EXOC2: variants seen among roughly 807,000 people sequenced by gnomAD.
EXOC2 encodes the protein SEC5-like 1.
A neutral mutation model predicts 131.8 loss-of-function variants in EXOC2; 70 were observed. The ratio of observed to expected loss-of-function variants is 0.53; its 90% confidence interval spans 0.44 to 0.65. EXOC2 has a LOEUF of 0.65. Among genes scored for constraint, EXOC2 ranks in the 30% least tolerant of loss-of-function variants. The pLI is 0.00. For synonymous variants in EXOC2, 411 were observed against 398.4 expected (o/e 1.03, Z -0.38); for missense variants, 923 against 1,108.6 (o/e 0.83, Z 2.38).
At position 520,848 on chromosome 6, in the gene EXOC2, G is replaced by A. The variant is rs10458176; in HGVS notation, c.2380+11621C>T. Among the ~76,000 whole-genome samples, 46 of 137,042 alleles carry A rather than the reference G, an allele frequency of 3.4e-4. 2 individuals are homozygous for A. Among genetic ancestry groups the A allele is most frequent in the Non-Finnish European group, 4.3e-4 (28 of 64,720 alleles). The allele number at this position is 137,042 out of a possible 152,430, so 89.9% of individuals were successfully genotyped here. A position where few individuals can be genotyped will look rare whatever the true frequency, so the allele number is the denominator to read the frequency against. On this transcript the variant is annotated intron_variant, in intron 23 of 27. Coordinates refer to ENST00000230449, the MANE Select transcript of EXOC2 (RefSeq NM_018303.6). ...CACCTATTGAGTGCCAACAATCACC[G>A]TCCACACTCGTAGATGAAAACCACC...
chr6:668,277 C>T (rs1027588795), intron 1 of EXOC2, among the ~76,000 whole-genome samples: 2 of 152,194 alleles, frequency 1.3e-5, no homozygotes, highest in Non-Finnish European at 2.9e-5. Context: ...GTGCCTCCAT[C>T]ATGTCTCTCC....
rs1353356259 is a variant in EXOC2 at position 496,171 on chromosome 6, C to G, written c.2559+1196G>C. Among the ~76,000 whole-genome samples, 4 of 152,080 alleles carry G rather than the reference C, an allele frequency of 2.6e-5. No individual in the cohort carries two copies. In the East Asian group the frequency reaches 7.7e-4, roughly 29 times the overall value. ...AAATCCTTGTCTGCTAATTCCAATA[C>G]CTGGGTCATCTTAAGGGTGGCTTCA... On this transcript the variant is annotated intron_variant, in intron 25 of 27. Coordinates refer to ENST00000230449, the MANE Select transcript of EXOC2 (RefSeq NM_018303.6).
chr6:677,308 T>C (rs1764191847), intron 1 of EXOC2, among the ~76,000 whole-genome samples: 1 of 152,242 alleles, frequency 6.6e-6, no homozygotes, highest in African/African-American at 2.4e-5. Context: ...TATAGGGATT[T>C]TGACCCCTTC....
At chr6:537,241 C>T (rs913424366) in intron 22 of EXOC2, among the ~76,000 whole-genome samples, 3 of 149,818 alleles carry the variant, frequency 2.0e-5, no homozygotes, top group Admixed American at 6.6e-5. Context: ...AGATGACGGC[C>T]GACGGAGGGC....
chr6:621,676 T>C (rs913006212), intron 4 of EXOC2, among the ~76,000 whole-genome samples: 2 of 152,162 alleles, frequency 1.3e-5, no homozygotes, highest in African/African-American at 4.8e-5. Context: ...GTGCATCTTT[T>C]CTCACTAGCT....
intron 11 of EXOC2, among the ~76,000 whole-genome samples, chr6:585,607 T>C (rs1320820379): frequency 2.0e-5 from 3 of 152,212 alleles, no homozygotes; most frequent in Non-Finnish European, 4.4e-5. Context: ...TCTTTGCTCA[T>C]AACATTTTCT....
At chr6:550,159 C>A (rs376523855) in intron 21 of EXOC2, among the ~76,000 whole-genome samples, 1 of 152,212 alleles carries the variant, frequency 6.6e-6, no homozygotes, top group African/African-American at 2.4e-5. Flanking sequence ...TAATCTAGAG[C>A]CTTGAGTTAG....
At chr6:510,723 C>T (rs1179712416) in intron 23 of EXOC2, among the ~76,000 whole-genome samples, 6 of 152,102 alleles carry the variant, frequency 3.9e-5, no homozygotes, top group Non-Finnish European at 7.4e-5. Context: ...GCATAGAATA[C>T]GTTTCACAAA....
intron 1 of EXOC2, among the ~76,000 whole-genome samples, chr6:690,138 T>C (rs1029523634): frequency 6.6e-6 from 1 of 152,122 alleles, no homozygotes; most frequent in Non-Finnish European, 1.5e-5. Flanking sequence ...GCGCATCACT[T>C]GCATTCAGGA....
intron 21 of EXOC2, among the ~76,000 whole-genome samples, chr6:551,803 T>C (rs773477347): frequency 2.0e-5 from 3 of 152,256 alleles, no homozygotes; most frequent in Non-Finnish European, 4.4e-5. Flanking sequence ...AATGGGATTT[T>C]CCATCCCTCT....
chr6:535,301 G>A (rs998595401), intron 22 of EXOC2, among the ~76,000 whole-genome samples: 6 of 152,106 alleles, frequency 3.9e-5, no homozygotes, highest in Non-Finnish European at 5.9e-5. Flanking sequence ...GGAGATCGAG[G>A]CTGCAGCGTG....
At position 486,613 on chromosome 6, in the gene EXOC2, G is replaced by C. The variant is rs1763065636; in HGVS notation, c.*58C>G. On this transcript the variant is annotated 3_prime_UTR_variant, in exon 28 of 28. Transcript: ENST00000230449. The stretch of plus-strand genomic sequence containing the variant: ...ACACCAAATACCTTTAGGGTACTTA[G>C]AGAGTGAACAGTCTTATTACGTGTT... The C allele has an allele frequency of 1.4e-6, 2 of 1,432,958 alleles. No individual in the cohort carries two copies. Among genetic ancestry groups the C allele is most frequent in the Admixed American group, 1.7e-5 (1 of 58,804 alleles). The allele number at this position is 1,432,958 out of a possible 1,614,324, so 88.8% of individuals were successfully genotyped here.
intron 23 of EXOC2, among the ~76,000 whole-genome samples, chr6:507,167 C>CA (rs1764594597): frequency 2.0e-5 from 1 of 49,720 alleles, no homozygotes; most frequent in Non-Finnish European, 4.5e-5. Flanking sequence ...GTGACCCCCC[C>CA]ACCCACACAC....
At chr6:627,886 A>G (rs756984937) in intron 4 of EXOC2, among the ~76,000 whole-genome samples, 1 of 152,248 alleles carries the variant, frequency 6.6e-6, no homozygotes, top group Non-Finnish European at 1.5e-5. Context: ...CAGTAACATC[A>G]AAATCTGTTA....
chr6:638,855 G>A (rs1762223554), intron 1 of EXOC2, among the ~76,000 whole-genome samples: 1 of 152,180 alleles, frequency 6.6e-6, no homozygotes, highest in Non-Finnish European at 1.5e-5. Context: ...CTTGAACCCA[G>A]GAGGCGGAGG....
At chr6:521,747 C>CT (rs546226509) in intron 23 of EXOC2, among the ~76,000 whole-genome samples, 110 of 152,148 alleles carry the variant, frequency 7.2e-4, no homozygotes, top group Admixed American at 1.6e-3. Flanking sequence ...AGGTTGGTCT[C>CT]TAACTCCTGG....
chr6:557,995 T>G (rs563783282), intron 17 of EXOC2, among the ~76,000 whole-genome samples: 2 of 151,528 alleles, frequency 1.3e-5, no homozygotes, highest in Non-Finnish European at 2.9e-5. Flanking sequence ...TCTTGAGAGA[T>G]GGGGTAGGCG....
intron 1 of EXOC2, among the ~76,000 whole-genome samples, chr6:657,764 CA>C (rs11319548): frequency 0.67 from 91,383 of 135,418 alleles, 30,591 homozygotes; most frequent in East Asian, 0.83. Flanking sequence ...CTCTGGCAGG[CA>C]AAAAAAAAAA....
At chr6:678,789 G>C (rs79098261) in intron 1 of EXOC2, among the ~76,000 whole-genome samples, 1 of 152,112 alleles carries the variant, frequency 6.6e-6, no homozygotes, top group Non-Finnish European at 1.5e-5. Flanking sequence ...ATGATGGGCC[G>C]TAGTCAGGAC....
Sources: gnomAD v4.1 joint callset for allele counts (sites outside exome capture counted in the v4.1 genomes callset) on GRCh38, gnomAD v4.1.1 for gene constraint, MANE v1.5 for transcripts, NCBI Gene and HGNC (gene_info 2026-07-23, HGNC 2026-07-21) for gene names.